The following RIMS2 variants were observed in gnomAD, a reference collection of about 807,000 sequenced individuals.
The protein encoded by RIMS2 is regulating synaptic membrane exocytosis 2.
RIMS2 carries 59 observed loss-of-function variants against 174.4 expected under a neutral mutation model. The observed-to-expected ratio is 0.34, with a 90% CI of 0.27 to 0.42. The LOEUF is 0.42. Ranked by LOEUF, RIMS2 falls within the 10% of genes least tolerant of loss-of-function variation. The pLI is 1.00. For synonymous variants in RIMS2, 606 were observed against 572.5 expected, an observed-to-expected ratio of 1.06 and a Z score of -0.84; for missense variants, 1,620 against 1,666.3, an observed-to-expected ratio of 0.97 and a Z score of 0.48.
chr8:103,866,390 AT>A (rs919099150), intron 3 of RIMS2, among the ~76,000 whole-genome samples: 20 of 152,164 alleles, frequency 1.3e-4, no homozygotes, highest in Non-Finnish European at 2.9e-4. Flanking sequence ...GAATAAAACA[AT>A]TACTTGAATC....
At chr8:103,528,546 T>G (rs1463502746) in intron 1 of RIMS2, among the ~76,000 whole-genome samples, 1 of 152,246 alleles carries the variant, frequency 6.6e-6, no homozygotes, top group African/African-American at 2.4e-5. Context: ...AAGTCTTTAG[T>G]CCATCTTGAA....
chr8:104,217,576 G>A (rs2099136395), intron 19 of RIMS2, among the ~76,000 whole-genome samples: 1 of 152,144 alleles, frequency 6.6e-6, no homozygotes, highest in African/African-American at 2.4e-5. Context: ...GCTTGCAAAT[G>A]TTTTTTGACC....
chr8:104,243,691 A>G (rs2099314971), intron 19 of RIMS2, among the ~76,000 whole-genome samples: 1 of 152,152 alleles, frequency 6.6e-6, no homozygotes. Context: ...GTCTCAAAAA[A>G]AAAGAACTTA....
At chr8:103,510,074 T>A (rs907564481) in intron 1 of RIMS2, among the ~76,000 whole-genome samples, 1 of 152,170 alleles carries the variant, frequency 6.6e-6, no homozygotes, top group African/African-American at 2.4e-5. Context: ...CCCTTTAGCA[T>A]TTTTTTCTTC....
chr8:103,609,116 G>T (rs374775318), intron 1 of RIMS2, among the ~76,000 whole-genome samples: 136 of 152,204 alleles, frequency 8.9e-4, no homozygotes, highest in African/African-American at 3.1e-3. Context: ...GTGATGTTGA[G>T]CATTTTTTCA....
At chr8:103,921,396 A>G (rs987088284) in intron 9 of RIMS2, among the ~76,000 whole-genome samples, 1 of 152,188 alleles carries the variant, frequency 6.6e-6, no homozygotes, top group African/African-American at 2.4e-5. Flanking sequence ...AGTACACTTA[A>G]CAGATAATAA....
At chr8:103,752,859 A>T (rs867402554) in intron 2 of RIMS2, among the ~76,000 whole-genome samples, 1 of 152,164 alleles carries the variant, frequency 6.6e-6, no homozygotes, top group Non-Finnish European at 1.5e-5. Flanking sequence ...TTTTCTATAT[A>T]TACAATCATG....
chr8:103,543,175 C>T (rs115498871), intron 1 of RIMS2, among the ~76,000 whole-genome samples: 2,362 of 152,224 alleles, frequency 0.016, 48 homozygotes, highest in African/African-American at 0.05. Context: ...ACTAAGGTTG[C>T]AGGATACAAA....
At chr8:103,912,465 C>T (rs1028179550) in intron 6 of RIMS2, among the ~76,000 whole-genome samples, 1 of 151,966 alleles carries the variant, frequency 6.6e-6, no homozygotes, top group Non-Finnish European at 1.5e-5. Context: ...TTTAATTATA[C>T]AGTTTATTCT....
intron 19 of RIMS2, among the ~76,000 whole-genome samples, chr8:104,243,932 A>G (rs1338286541): frequency 6.6e-6 from 1 of 152,062 alleles, no homozygotes; most frequent in Non-Finnish European, 1.5e-5. Context: ...ATTACTTTAC[A>G]TGTGCTTGGT....
chr8:103,932,436 A>T (rs1342910878), intron 12 of RIMS2, among the ~76,000 whole-genome samples: 1 of 152,252 alleles, frequency 6.6e-6, no homozygotes, highest in African/African-American at 2.4e-5. Flanking sequence ...TCTTCAGGAT[A>T]TATCAAGATG....
chr8:104,226,107 T>TATC (rs1342697973), intron 19 of RIMS2, among the ~76,000 whole-genome samples: 1 of 152,210 alleles, frequency 6.6e-6, no homozygotes. Context: ...ATGTTACTAT[T>TATC]ATCATAACTG....
chr8:103,705,444 A>G (rs1299997602), intron 2 of RIMS2, among the ~76,000 whole-genome samples: 1 of 152,050 alleles, frequency 6.6e-6, no homozygotes, highest in Non-Finnish European at 1.5e-5. Context: ...ATATTTTGTA[A>G]ATGTCAGTTA....
intron 19 of RIMS2, among the ~76,000 whole-genome samples, chr8:104,243,941 G>T (rs576042537): frequency 6.6e-6 from 1 of 152,020 alleles, no homozygotes; most frequent in East Asian, 1.9e-4. Flanking sequence ...CATGTGCTTG[G>T]TCATTGCACC....
chr8:103,970,805 T>G (rs962364486), intron 15 of RIMS2, among the ~76,000 whole-genome samples: 4 of 152,220 alleles, frequency 2.6e-5, no homozygotes, highest in Non-Finnish European at 5.9e-5. Flanking sequence ...GTTCAGCTTT[T>G]TATTTGTTGT....
chr8:103,952,555 A>T (rs1427544689), intron 14 of RIMS2, among the ~76,000 whole-genome samples: 1 of 152,182 alleles, frequency 6.6e-6, no homozygotes, highest in Admixed American at 6.5e-5. Context: ...ACAGAAAGGA[A>T]TAGTATTAAC....
intron 1 of RIMS2, among the ~76,000 whole-genome samples, chr8:103,517,484 A>G (rs1829537571): frequency 6.6e-6 from 1 of 151,034 alleles, no homozygotes; most frequent in Admixed American, 6.6e-5. Context: ...CTGATATTCA[A>G]TTGACCTGCA....
At chr8:104,017,067 G>A (rs2095933675) in intron 19 of RIMS2, among the ~76,000 whole-genome samples, 1 of 151,858 alleles carries the variant, frequency 6.6e-6, no homozygotes, top group Non-Finnish European at 1.5e-5. Context: ...TTATATAAAA[G>A]TATGGATGAT....
chr8:103,623,508 G>A (rs2095690439), intron 1 of RIMS2, among the ~76,000 whole-genome samples: 1 of 93,160 alleles, frequency 1.1e-5, no homozygotes. Context: ...TTTTTGAGAC[G>A]GAGTCTCGCT....
Sources: gnomAD v4.1 joint callset for allele counts (sites outside exome capture counted in the v4.1 genomes callset) on GRCh38, gnomAD v4.1.1 for gene constraint, MANE v1.5 for transcripts, NCBI Gene and HGNC (gene_info 2026-07-23, HGNC 2026-07-21) for gene names.